Variants in ZNF430 observed in about 807,000 individuals in gnomAD.
ZNF430 encodes zinc finger protein 430.
ZNF430 carries 35 observed loss-of-function variants against 56.7 expected under a neutral mutation model. The ratio of observed to expected loss-of-function variants is 0.62; its 90% CI spans 0.47 to 0.82. ZNF430 has a LOEUF of 0.82. ZNF430 is among the 40% of genes least tolerant of loss of function. The probability of loss-of-function intolerance (pLI) is 0.00; values close to 1 mark genes in which losing one functional copy is unlikely to be tolerated. For synonymous variants in ZNF430, 212 were observed against 224.3 expected (o/e 0.94, Z 0.49); for missense variants, 574 against 661.0 (o/e 0.87, Z 1.44).
chr19:21,026,827 CT>C lies in ZNF430; in HGVS notation c.96+3969del, dbSNP rs747809260. ...TTGGATGCCTTTTTTCTTTTCTTTT[CT>C]TTTTTTTTTTTTTTTTTTTTTTGAG... On this transcript the variant is annotated intron_variant, in intron 2 of 4. Transcript: ENST00000261560. Among the ~76,000 whole-genome samples, 70 of 68,722 alleles carry C rather than the reference CT, an allele frequency of 1.0e-3. 1 individual carries two copies. Among genetic ancestry groups the C allele is most frequent in the East Asian group, 1.6e-3 (3 of 1,914 alleles). The allele number at this position is 68,722 out of a possible 152,430, so 45.1% of individuals were successfully genotyped here.
intron 4 of ZNF430, among the ~76,000 whole-genome samples, chr19:21,054,041 A>G (rs928070269): frequency 1.3e-5 from 2 of 152,130 alleles, no homozygotes; most frequent in African/African-American, 4.8e-5. Flanking sequence ...ATTTTTTCTC[A>G]TTACATCTGC....
At chr19:21,047,971 C>T (rs1479708677) in intron 4 of ZNF430, among the ~76,000 whole-genome samples, 1 of 152,092 alleles carries the variant, frequency 6.6e-6, no homozygotes, top group Non-Finnish European at 1.5e-5. Context: ...CAGAAACCAC[C>T]TCATTGTTCC....
intron 4 of ZNF430, among the ~76,000 whole-genome samples, chr19:21,051,050 A>C (rs1408273029): frequency 6.6e-6 from 1 of 152,214 alleles, no homozygotes; most frequent in Admixed American, 6.5e-5. Flanking sequence ...TATGCTGTTT[A>C]GTCATATTAA....
At chr19:21,023,228 T>C (rs1175553922) in intron 2 of ZNF430, among the ~76,000 whole-genome samples, 1 of 152,154 alleles carries the variant, frequency 6.6e-6, no homozygotes, top group Non-Finnish European at 1.5e-5. Context: ...CTTGAGCACA[T>C]AAGTGAGCAG....
intron 4 of ZNF430, among the ~76,000 whole-genome samples, chr19:21,047,783 C>T (rs1360115537): frequency 2.0e-5 from 3 of 152,244 alleles, no homozygotes; most frequent in Middle Eastern, 3.4e-3. Context: ...AGTTGTCTGA[C>T]GATGTCTGTT....
intron 2 of ZNF430, among the ~76,000 whole-genome samples, chr19:21,028,828 G>A (rs1599490927): frequency 6.6e-6 from 1 of 152,126 alleles, no homozygotes; most frequent in Non-Finnish European, 1.5e-5. Context: ...TGGGAATACA[G>A]GCACTTGCCA....
intron 4 of ZNF430, among the ~76,000 whole-genome samples, chr19:21,040,698 G>A (rs1000620226): frequency 2.4e-4 from 37 of 152,048 alleles, no homozygotes; most frequent in Non-Finnish European, 8.8e-5. Context: ...TTTTCTTACT[G>A]ATCTTTTATC....
intron 4 of ZNF430, among the ~76,000 whole-genome samples, chr19:21,041,575 C>T (rs543414872): frequency 1.3e-5 from 2 of 152,108 alleles, no homozygotes; most frequent in South Asian, 4.1e-4. Context: ...GTAAACATGT[C>T]CCATGGTGGT....
chr19:21,041,724 G>GTTT (rs1238995682), intron 4 of ZNF430, among the ~76,000 whole-genome samples: 1 of 151,172 alleles, frequency 6.6e-6, no homozygotes, highest in Non-Finnish European at 1.5e-5. Flanking sequence ...TTTTGTTTTT[G>GTTT]TTGTTGTTGA....
intron 3 of ZNF430, 128 bp downstream of exon 3, chr19:21,033,710 T>C: frequency 8.6e-7 from 1 of 1,159,622 alleles, no homozygotes; most frequent in Non-Finnish European, 1.2e-6. Flanking sequence ...TAAGAAAACC[T>C]TGAGGATTTT....
At chr19:21,034,340 T>C (rs1468770119) in intron 4 of ZNF430, 156 bp downstream of exon 4, 4 of 541,594 alleles carry the variant, frequency 7.4e-6, no homozygotes, top group East Asian at 3.1e-5. Flanking sequence ...CATAGGGTCA[T>C]CTTCTGTCTT....
intron 2 of ZNF430, among the ~76,000 whole-genome samples, chr19:21,028,746 C>T (rs1036796448): frequency 1.3e-4 from 19 of 151,930 alleles, no homozygotes; most frequent in Admixed American, 4.6e-4. Flanking sequence ...AGTGCAGTGG[C>T]GCGATCTCGG....
chr19:21,038,643 G>A (rs920775611), intron 4 of ZNF430, among the ~76,000 whole-genome samples: 11 of 151,996 alleles, frequency 7.2e-5, no homozygotes, highest in African/African-American at 2.7e-4. Flanking sequence ...TGACCAGGCT[G>A]GTCTCAAACT....
At position 21,034,203 on chromosome 19, in the gene ZNF430, A is replaced by G; in HGVS notation, c.322+19A>G. 6.7e-7 allele frequency: 1 copy of G among 1,492,278 alleles called. No homozygotes were observed. The highest frequency in any genetic ancestry group is 9.1e-7 in the Non-Finnish European group (1 of 1,096,968). The allele number at this position is 1,492,278 out of a possible 1,614,324, so 92.4% of individuals were successfully genotyped here. On this transcript the variant is annotated intron_variant, in intron 4 of 4. Coordinates refer to ENST00000261560, the MANE Select transcript of ZNF430 (RefSeq NM_025189.4). ...CCCCCAGGTAGGTGAGAGTGAACACAACAGACGACATGAATGAGAGGTCCA... is the reference window on the plus strand; with the variant it reads ...CCCCCAGGTAGGTGAGAGTGAACACGACAGACGACATGAATGAGAGGTCCA...
chr19:21,029,732 C>T (rs760822573), intron 2 of ZNF430, among the ~76,000 whole-genome samples: 23 of 152,096 alleles, frequency 1.5e-4, no homozygotes, highest in South Asian at 4.1e-4. Flanking sequence ...TTTGGGAGGC[C>T]GAGGCAGACA....
chr19:21,049,751 G>A (rs947755132), intron 4 of ZNF430, among the ~76,000 whole-genome samples: 24 of 56,804 alleles, frequency 4.2e-4, no homozygotes, highest in South Asian at 9.2e-4. Flanking sequence ...ATTTCTTATA[G>A]TGAACACCCT....
intron 4 of ZNF430, among the ~76,000 whole-genome samples, chr19:21,043,203 G>A (rs546290730): frequency 6.6e-6 from 1 of 152,248 alleles, no homozygotes; most frequent in South Asian, 2.1e-4. Context: ...CCATGCCTAT[G>A]TCCTGAATGG....
chr19:21,054,744 C>T (rs1260367667), intron 4 of ZNF430, among the ~76,000 whole-genome samples: 1 of 145,950 alleles, frequency 6.9e-6, no homozygotes, highest in Non-Finnish European at 1.5e-5. Flanking sequence ...GGCGCATCTC[C>T]GCTCACTATA....
intron 4 of ZNF430, among the ~76,000 whole-genome samples, chr19:21,053,982 G>A (rs571579412): frequency 5.3e-5 from 8 of 151,374 alleles, no homozygotes; most frequent in African/African-American, 1.5e-4. Flanking sequence ...AAGATACAAC[G>A]ATATATTTCA....
Sources: gnomAD v4.1 joint callset for allele counts (sites outside exome capture counted in the v4.1 genomes callset) on GRCh38, gnomAD v4.1.1 for gene constraint, MANE v1.5 for transcripts, NCBI Gene and HGNC (gene_info 2026-07-23, HGNC 2026-07-21) for gene names.